The following PDE8B variants were observed in gnomAD, a reference collection of about 807,000 sequenced individuals.
The protein encoded by PDE8B is high affinity cAMP-specific and IBMX-insensitive 3',5'-cyclic phosphodiesterase 8B.
In PDE8B, 26 loss-of-function variants were observed where a neutral mutation model predicts 101.3. The observed-to-expected ratio is 0.26, with a 90% confidence interval of 0.19 to 0.36. The LOEUF (loss-of-function observed/expected upper bound fraction) is 0.36. Ranked by LOEUF, PDE8B falls within the 10% of genes least tolerant of loss-of-function variation. The probability of loss-of-function intolerance (pLI) is 1.00; values close to 1 mark genes in which losing one functional copy is unlikely to be tolerated. For synonymous variants in PDE8B, 424 were observed against 429.3 expected, an observed-to-expected ratio of 0.99 and a Z score of 0.15; for missense variants, 810 against 1,163.1, an observed-to-expected ratio of 0.70 and a Z score of 4.42.
intron 12 of PDE8B, among the ~76,000 whole-genome samples, chr5:77,405,574 T>G (rs895171159): frequency 1.3e-5 from 2 of 151,800 alleles, no homozygotes; most frequent in African/African-American, 4.8e-5. Flanking sequence ...CTAAGGGGTG[T>G]GTGATGTGCA....
intron 1 of PDE8B, among the ~76,000 whole-genome samples, chr5:77,294,369 TC>T (rs1379861988): frequency 6.6e-6 from 1 of 151,956 alleles, no homozygotes; most frequent in Non-Finnish European, 1.5e-5. Flanking sequence ...AAGGGGACAG[TC>T]CCCCAGGAGT....
intron 1 of PDE8B, among the ~76,000 whole-genome samples, chr5:77,248,963 A>G (rs1757519959): frequency 6.6e-6 from 1 of 152,212 alleles, no homozygotes; most frequent in Non-Finnish European, 1.5e-5. Flanking sequence ...CTCACCAGGA[A>G]CCAACCCTGC....
rs553533674 is a variant in PDE8B at position 77,425,545 on chromosome 5, ACT to A, written c.2419-221_2419-220del. On this transcript the variant is annotated intron_variant, in intron 20 of 21. Coordinates refer to ENST00000264917, the MANE Select transcript of PDE8B (RefSeq NM_003719.5). The stretch of plus-strand genomic sequence containing the variant: ...TACAGCTTGGGCAACAGAGTGAGAC[ACT>A]GTCTCAAAAACAAAAAAAGAGGCTT... Among the ~76,000 whole-genome samples, 43 of 152,252 alleles carry A rather than the reference ACT, an allele frequency of 2.8e-4. No homozygotes were observed. In the South Asian group the frequency reaches 8.5e-3, roughly 30 times the overall value.
chr5:77,365,396 G>A (rs1783935283), intron 10 of PDE8B, among the ~76,000 whole-genome samples: 1 of 152,092 alleles, frequency 6.6e-6, no homozygotes, highest in Non-Finnish European at 1.5e-5. Context: ...TGTCTTGGAG[G>A]GGGACAAGAC....
At position 77,351,057 on chromosome 5, in the gene PDE8B, C is replaced by T. The variant is rs1348248383; in HGVS notation, c.1018-8C>T. On this transcript the variant is annotated splice_region_variant and splice_polypyrimidine_tract_variant and intron_variant, in intron 8 of 21. Coordinates refer to ENST00000264917, the MANE Select transcript of PDE8B (RefSeq NM_003719.5). ...GAAGGATTTTAAGAGCTCTCTTTGT[C>T]CATGTAGGAGTGGCAGGGGGTTTAC... 3 of 1,608,306 alleles carry T rather than the reference C, an allele frequency of 1.9e-6. No individual in the cohort carries two copies. The Admixed American group carries it at 5.0e-5, about 27-fold the overall frequency.
At chr5:77,123,662 G>A in the PDE8B span, among the ~76,000 whole-genome samples, 3 of 152,168 alleles carry the variant, frequency 2.0e-5, no homozygotes, top group East Asian at 3.9e-4. Flanking sequence ...GGGAGGTTGA[G>A]GGGGAGGATC....
chr5:77,203,310 T>C, the PDE8B span, among the ~76,000 whole-genome samples: 1 of 152,238 alleles, frequency 6.6e-6, no homozygotes, highest in African/African-American at 2.4e-5. Flanking sequence ...TCCCGGATAA[T>C]TTCCACCCAC....
chr5:77,315,030 T>A lies in PDE8B; in HGVS notation c.399+2977T>A, dbSNP rs536992097. Among the ~76,000 whole-genome samples the A allele has an allele frequency of 1.2e-4, 18 of 152,286 alleles. No individual in the cohort carries two copies. In the South Asian group the frequency reaches 3.5e-3, roughly 30 times the overall value. The stretch of plus-strand genomic sequence containing the variant: ...CTCATTTTTTAATTGGGTTAATTTT[T>A]AAAAGTTATTGAGTTGTATGAGTTC... On this transcript the variant is annotated intron_variant, in intron 2 of 21. Transcript: ENST00000264917.
At chr5:77,286,874 A>G (rs901722263) in intron 1 of PDE8B, among the ~76,000 whole-genome samples, 1 of 152,232 alleles carries the variant, frequency 6.6e-6, no homozygotes, top group Admixed American at 6.5e-5. Context: ...TAGAAATTAC[A>G]AAATTACTTT....
intron 1 of PDE8B, among the ~76,000 whole-genome samples, chr5:77,245,276 A>T (rs1034461399): frequency 1.3e-5 from 2 of 152,246 alleles, no homozygotes; most frequent in African/African-American, 4.8e-5. Flanking sequence ...ACAATGGTTT[A>T]AAAAATGAAG....
chr5:77,306,672 T>G (rs528148421), intron 1 of PDE8B, among the ~76,000 whole-genome samples: 1 of 152,326 alleles, frequency 6.6e-6, no homozygotes, highest in South Asian at 2.1e-4. Flanking sequence ...GATGCCAAGT[T>G]ACTTAACAAA....
the PDE8B span, chr5:77,140,221 C>A: frequency 6.6e-6 from 1 of 152,242 alleles, no homozygotes; most frequent in Non-Finnish European, 1.5e-5. Context: ...TCTGTATGAC[C>A]TTTTTTTAAA....
intron 3 of PDE8B, among the ~76,000 whole-genome samples, 199 bp from the exon 4 acceptor site, chr5:77,328,798 GA>G: frequency 6.6e-6 from 1 of 152,106 alleles, no homozygotes; most frequent in Non-Finnish European, 1.5e-5. Context: ...GGAGTTAAGA[GA>G]AAAAAAATTT....
At chr5:77,374,245 T>C (rs1785631450) in intron 10 of PDE8B, among the ~76,000 whole-genome samples, 1 of 152,178 alleles carries the variant, frequency 6.6e-6, no homozygotes, top group African/African-American at 2.4e-5. Flanking sequence ...CCCATCCACT[T>C]ACTTTCAATC....
At chr5:77,361,098 T>C (rs980455453) in intron 10 of PDE8B, among the ~76,000 whole-genome samples, 4 of 152,256 alleles carry the variant, frequency 2.6e-5, no homozygotes, top group Admixed American at 6.5e-5. Flanking sequence ...TATTTTACTA[T>C]CATGTGTGCT....
chr5:77,380,754 A>G (rs1787293382), intron 10 of PDE8B, among the ~76,000 whole-genome samples: 1 of 152,204 alleles, frequency 6.6e-6, no homozygotes, highest in Non-Finnish European at 1.5e-5. Flanking sequence ...GACATTATTC[A>G]AATAAGTACT....
intron 1 of PDE8B, among the ~76,000 whole-genome samples, chr5:77,311,321 A>G (rs540985284): frequency 6.6e-6 from 1 of 152,372 alleles, no homozygotes; most frequent in Admixed American, 6.5e-5. Flanking sequence ...GGTGTTGGCC[A>G]GTGAACACTG....
chr5:77,280,012 G>A (rs965715911), intron 1 of PDE8B, among the ~76,000 whole-genome samples: 1 of 152,206 alleles, frequency 6.6e-6, no homozygotes, highest in African/African-American at 2.4e-5. Context: ...ACCTGGGCCA[G>A]CTTTATCCTG....
the PDE8B span, chr5:77,148,061 T>C: frequency 6.6e-6 from 1 of 152,200 alleles, no homozygotes; most frequent in Admixed American, 6.5e-5. Flanking sequence ...CAACAATGTG[T>C]ATCAGTTCCA....
Sources: allele counts gnomAD v4.1 joint callset (sites outside exome capture counted in the v4.1 genomes callset), GRCh38; gene constraint gnomAD v4.1.1; transcripts MANE v1.5; gene names NCBI Gene and HGNC (gene_info 2026-07-23, HGNC 2026-07-21).